Variants in RETREG2 observed in about 807,000 individuals in gnomAD.
The protein encoded by RETREG2 is reticulophagy regulator 2.
A neutral mutation model predicts 51.6 loss-of-function variants in RETREG2; 21 were observed. The observed-to-expected ratio is 0.41, with a 90% CI of 0.29 to 0.59. The LOEUF (loss-of-function observed/expected upper bound fraction) is 0.59, where lower values mean the gene tolerates loss of function less well. Ranked by LOEUF, RETREG2 falls within the 20% of genes least tolerant of loss-of-function variation. RETREG2 has a pLI of 0.34. For missense variants in RETREG2, 674 were observed against 646.0 expected (o/e 1.04, Z -0.47); for synonymous variants, 339 against 288.6 (o/e 1.17, Z -1.77).
In RETREG2 at chr2:219,183,981, T is replaced by C. The variant is rs1443171517; in HGVS notation, c.*1352T>C. ...CAGTTACTGAGTCCATTGTATGTGC[T>C]TGGCTCTGCTCTGAGTGATTTATAT... On this transcript the variant is annotated 3_prime_UTR_variant, in exon 9 of 9. Coordinates refer to ENST00000430297, the MANE Select transcript of RETREG2 (RefSeq NM_024293.6). 1.3e-5 allele frequency: 2 copies of C among 152,256 alleles called. No homozygotes were observed. Among genetic ancestry groups the C allele is most frequent in the African/African-American group, 4.8e-5 (2 of 41,468 alleles). The allele number at this position is 152,256 out of a possible 1,614,324, so 9.4% of individuals were successfully genotyped here.
In RETREG2 at chr2:219,181,065, T is replaced by C. The variant is rs781412642; in HGVS notation, c.644T>C (p.Leu215Ser). 6.2e-7 allele frequency: 1 copy of C among 1,614,106 alleles called. No homozygotes were observed. Among genetic ancestry groups the C allele is most frequent in the Non-Finnish European group, 8.5e-7 (1 of 1,179,996 alleles). ...AGTTCACGTTCTTAACCCATAGTGT[T>C]GAGTATCCTGCTGTGGCCCCTGGTG... is the stretch of plus-strand genomic sequence containing the variant. Reference protein sequence around the residue: ...PGIMISYIVLLSILLWPLVVY... With the variant: ...PGIMISYIVLSSILLWPLVVY... Residue 215 changes from leucine to serine, a missense_variant, in exon 6 of 9, where the codon TTG becomes TCG. By Grantham distance (145) the Leu-to-Ser change is moderately radical. Transcript: ENST00000430297.
rs2106397266 is a variant in RETREG2, at chr2:219,180,237, C to T, written c.547C>T (p.Pro183Ser). ...GCTGCTGCAGTACAAGAGGCAGAATCCAGCTCAGGTAACCTCCCCTACATC... is the reference window on the plus strand; with the variant it reads ...GCTGCTGCAGTACAAGAGGCAGAATTCAGCTCAGGTAACCTCCCCTACATC... ...QELLQYKRQN[P>S]AQFCVRVCSG... The change falls in exon 4 of 9, where the codon CCA (proline) becomes TCA (serine). Residue 183 changes from proline (P) to serine (S), a missense_variant. Pro to Ser is a moderately conservative substitution (Grantham distance 74, BLOSUM62 -1). Transcript: ENST00000430297. 6.2e-7 allele frequency: 1 copy of T among 1,614,174 alleles called. No homozygotes were observed.
At chr2:219,180,911 G>A in intron 5 of RETREG2, 151 bp from the exon 6 acceptor site, 1 of 1,318,686 alleles carries the variant, frequency 7.6e-7, no homozygotes, top group Non-Finnish European at 1.1e-6. Context: ...ACTTACCTGG[G>A]GAGGAGGGCA....
chr2:219,181,023 T>G lies in RETREG2; in HGVS notation c.641-39T>G, dbSNP rs769436125. On this transcript the variant is annotated intron_variant, in intron 5 of 8. Transcript: ENST00000430297. ...AGTTGAATGGGGGCTCTTAGGAAAT[T>G]GGCGTAGGGAGCTCTTAGTTCACGT... 9.3e-6 allele frequency: 15 copies of G among 1,607,694 alleles called. No homozygotes were observed. In the South Asian group the frequency reaches 1.7e-4, roughly 18 times the overall value.
At chr2:219,181,243 G>A (rs891919800) in intron 6 of RETREG2, 38 bp downstream of exon 6, 10 of 1,612,666 alleles carry the variant, frequency 6.2e-6, no homozygotes, top group Non-Finnish European at 8.5e-6. Context: ...TGAAAGAGCG[G>A]GAGGGCCTTG....
In RETREG2 at chr2:219,178,301, G is replaced by A. The variant is rs1950216231; in HGVS notation, c.-52G>A. The A allele has an allele frequency of 8.0e-6, 3 of 376,304 alleles. No individual in the cohort carries two copies. Among genetic ancestry groups the A allele is most frequent in the Admixed American group, 9.2e-5 (2 of 21,820 alleles). The allele number at this position is 376,304 out of a possible 1,614,324, so 23.3% of individuals were successfully genotyped here. On this transcript the variant is annotated 5_prime_UTR_variant, in exon 1 of 9. Coordinates refer to ENST00000430297, the MANE Select transcript of RETREG2 (RefSeq NM_024293.6). ...TTCCGCCTGACGCGCCCCCGGCGGC[G>A]GCCGCGCAGCCCTGGCTCCTCGCGG...
chr2:219,181,475 G>T lies in RETREG2; in HGVS notation c.879+12G>T. On this transcript the variant is annotated intron_variant, in intron 7 of 8. Coordinates refer to ENST00000430297, the MANE Select transcript of RETREG2 (RefSeq NM_024293.6). ...GCTTCTCCCCAGTGGTGAGGTCCAG[G>T]GAAAGCGGGGGTGTCAAATAGAAAG... 2 of 1,613,590 alleles carry T rather than the reference G, an allele frequency of 1.2e-6. No homozygotes were observed. The highest frequency in any genetic ancestry group is 1.7e-5 in the Admixed American group (1 of 60,010).
rs773408085 is a variant in RETREG2 at position 219,182,555 on chromosome 2, G to T, written c.1558G>T (p.Ala520Ser). 7.0e-5 allele frequency: 113 copies of T among 1,614,064 alleles called. No individual in the cohort carries two copies. Among genetic ancestry groups the T allele is most frequent in the Non-Finnish European group, 9.4e-5 (111 of 1,180,038 alleles). Reference sequence around the variant, plus strand: ...AGAGACACCGCCAAAACCCCCTGATGCTCCACCCCTGGGGCCCGACATCCA... The same window carrying T: ...AGAGACACCGCCAAAACCCCCTGATTCTCCACCCCTGGGGCCCGACATCCA... Reference protein sequence around the residue: ...EPETPPKPPDAPPLGPDIHSL... With the variant: ...EPETPPKPPDSPPLGPDIHSL... The change falls in exon 9 of 9, where the codon GCT (alanine) becomes TCT (serine). Residue 520 changes from alanine to serine, a missense_variant. Coordinates refer to ENST00000430297, the MANE Select transcript of RETREG2 (RefSeq NM_024293.6).
At chr2:219,179,790 A>G in intron 3 of RETREG2, 27 bp downstream of exon 3, 2 of 1,609,440 alleles carry the variant, frequency 1.2e-6, no homozygotes, top group Non-Finnish European at 1.7e-6. Flanking sequence ...TCTTGAAGAC[A>G]AATGCCCACA....
chr2:219,179,698 C>T (rs1950248285), intron 2 of RETREG2, 35 bp from the exon 3 acceptor site: 3 of 1,610,000 alleles, frequency 1.9e-6, no homozygotes, highest in Non-Finnish European at 2.6e-6. Context: ...AGGGCCCCTA[C>T]CACTCAATAA....
At position 219,181,646 on chromosome 2, in the gene RETREG2, G is replaced by A; in HGVS notation, c.886G>A (p.Val296Met). ...ATCCTGGTTCTCCTGCCAGGTGGAT[G>A]TGAAGAAAACAGCATTGGCCTTGGC... ...ELAGFSPVVD[V>M]KKTALALAIT... The change falls in exon 8 of 9, where the codon GTG becomes ATG. Residue 296 changes from valine to methionine, a missense_variant. Physicochemically the swap from Val to Met is conservative, Grantham distance 21. Coordinates refer to ENST00000430297, the MANE Select transcript of RETREG2 (RefSeq NM_024293.6). 1.2e-6 allele frequency: 2 copies of A among 1,613,954 alleles called. No individual in the cohort carries two copies. Among genetic ancestry groups the A allele is most frequent in the Non-Finnish European group, 1.7e-6 (2 of 1,179,830 alleles).
rs1057224334 is a variant in RETREG2 at position 219,180,652 on chromosome 2, T to G, written c.556-18T>G. 16 of 1,614,050 alleles carry G rather than the reference T, an allele frequency of 9.9e-6. No homozygotes were observed. Among genetic ancestry groups the G allele is most frequent in the Non-Finnish European group, 1.4e-5 (16 of 1,180,010 alleles). ...ATATCTCAGCGTGATGTTCTTAGAC[T>G]TTTGCTCTTCTCTGCAGTTCTGCGT... is the stretch of plus-strand genomic sequence containing the variant. On this transcript the variant is annotated intron_variant, in intron 4 of 8. Transcript: ENST00000430297.
chr2:219,182,848 C>A lies in RETREG2; in HGVS notation c.*219C>A. 1 of 602,506 alleles carries A rather than the reference C, an allele frequency of 1.7e-6. No homozygotes were observed. Among genetic ancestry groups the A allele is most frequent in the Non-Finnish European group, 2.9e-6 (1 of 344,614 alleles). 37.3% of individuals were successfully genotyped at this position (602,506 alleles called of 1,614,324 possible). ...GGTTTTAAATTTGTAAATAATTTTCCATTTGGGTTAGTGGATGTGAACAGG... is the reference window on the plus strand; with the variant it reads ...GGTTTTAAATTTGTAAATAATTTTCAATTTGGGTTAGTGGATGTGAACAGG... On this transcript the variant is annotated 3_prime_UTR_variant, in exon 9 of 9. Coordinates refer to ENST00000430297, the MANE Select transcript of RETREG2 (RefSeq NM_024293.6).
At chr2:219,178,667 T>C in intron 1 of RETREG2, 34 bp downstream of exon 1, 2 of 1,419,630 alleles carry the variant, frequency 1.4e-6, no homozygotes, top group South Asian at 3.0e-5. Flanking sequence ...GGGGCCGGGA[T>C]GAGCGGGGGA....
At position 219,178,296 on chromosome 2, in the gene RETREG2, G is replaced by A. The variant is rs1243226450; in HGVS notation, c.-57G>A. ...CCCCCTTCCGCCTGACGCGCCCCCG[G>A]CGGCGGCCGCGCAGCCCTGGCTCCT... On this transcript the variant is annotated 5_prime_UTR_variant, in exon 1 of 9. Transcript: ENST00000430297. 1.1e-4 allele frequency: 39 copies of A among 369,876 alleles called. No individual in the cohort carries two copies. In the East Asian group the frequency reaches 1.6e-3, roughly 15 times the overall value. 22.9% of individuals were successfully genotyped at this position (369,876 alleles called of 1,614,324 possible). A position where few individuals can be genotyped will look rare whatever the true frequency, so the allele number is the denominator to read the frequency against.
chr2:219,180,356 G>A (rs1950261012), intron 4 of RETREG2, 111 bp downstream of exon 4: 3 of 1,416,336 alleles, frequency 2.1e-6, no homozygotes, highest in African/African-American at 2.9e-5. Context: ...TGAAAGAAGA[G>A]GCCTGGGCGC....
chr2:219,184,825 G>GTTTTTTTTTTTTTTTTTTTTTT lies in RETREG2; in HGVS notation c.*2215_*2216insTTTTTTTTTTTTTTTTTTTTTT, dbSNP rs71040423. The GTTTTTTTTTTTTTTTTTTTTTT allele has an allele frequency of 3.0e-5, 3 of 99,406 alleles. 1 individual carries two copies. The highest frequency in any genetic ancestry group is 3.9e-5 in the African/African-American group (1 of 25,798). 6.2% of individuals were successfully genotyped at this position (99,406 alleles called of 1,614,324 possible). A position where few individuals can be genotyped will look rare whatever the true frequency, so the allele number is the denominator to read the frequency against. On this transcript the variant is annotated 3_prime_UTR_variant, in exon 9 of 9. Coordinates refer to ENST00000430297, the MANE Select transcript of RETREG2 (RefSeq NM_024293.6). The stretch of plus-strand genomic sequence containing the variant: ...TGTTTTGGTTTTTTGTTTTTTGTGG[G>GTTTTTTTTTTTTTTTTTTTTTT]TTTTTTTTTTTTTTTTTTTGAGACG...
Position 219,178,907 on chromosome 2 carries a change from C to CT in RETREG2, c.282-14dup. 1 of 1,583,364 alleles carries CT rather than the reference C, an allele frequency of 6.3e-7. No individual in the cohort carries two copies. Among genetic ancestry groups the CT allele is most frequent in the South Asian group, 1.1e-5 (1 of 89,746 alleles). On this transcript the variant is annotated splice_polypyrimidine_tract_variant and intron_variant, in intron 1 of 8. Coordinates refer to ENST00000430297, the MANE Select transcript of RETREG2 (RefSeq NM_024293.6). ...TCTCACCCACTCACTGCTGAGGTGC[C>CT]TGTCTCTCCCTAAGGTTGCTGTCTT...
Position 219,184,437 on chromosome 2 carries a change from CTGTCTTTCTGAGGTTGACTTTTATGCCA to C in RETREG2, c.*1817_*1844del. 1 of 152,242 alleles carries C rather than the reference CTGTCTTTCTGAGGTTGACTTTTATGCCA, an allele frequency of 6.6e-6. No individual in the cohort carries two copies. The highest frequency in any genetic ancestry group is 1.5e-5 in the Non-Finnish European group (1 of 68,022). 9.4% of individuals were successfully genotyped at this position (152,242 alleles called of 1,614,324 possible). A position where few individuals can be genotyped will look rare whatever the true frequency, so the allele number is the denominator to read the frequency against. ...TGGAGGTACCATATGGTAATGCTGC[CTGTCTTTCTGAGGTTGACTTTTATGCCA>C]TGTCTTTCCTAAGTGTGTAAGAATT... On this transcript the variant is annotated 3_prime_UTR_variant, in exon 9 of 9. Transcript: ENST00000430297.
Sources: gnomAD v4.1 joint callset for allele counts on GRCh38, gnomAD v4.1.1 for gene constraint, MANE v1.5 for transcripts, NCBI Gene and HGNC (gene_info 2026-07-23, HGNC 2026-07-21) for gene names.